AFAP1L2: variants seen among roughly 807,000 people sequenced by gnomAD.
AFAP1L2 encodes actin filament-associated protein 1-like 2.
AFAP1L2 carries 46 observed loss-of-function variants against 99.3 expected under a neutral mutation model. That is an observed-to-expected ratio of 0.46 (90% CI 0.37 to 0.59). The LOEUF is 0.59. AFAP1L2 is among the 20% of genes least tolerant of loss of function. The pLI is 0.00. For missense variants in AFAP1L2, 959 were observed against 1,034.9 expected, an observed-to-expected ratio of 0.93 and a Z score of 1.01; for synonymous variants, 397 against 419.1, an observed-to-expected ratio of 0.95 and a Z score of 0.64.
chr10:114,338,695 A>T (rs766818488), intron 2 of AFAP1L2, among the ~76,000 whole-genome samples: 4 of 152,236 alleles, frequency 2.6e-5, no homozygotes, highest in Non-Finnish European at 5.9e-5. Context: ...ATCCATTTAT[A>T]CAGAGCTCCA....
At chr10:114,344,149 G>A (rs184283537) in intron 1 of AFAP1L2, among the ~76,000 whole-genome samples, 293 of 152,322 alleles carry the variant, frequency 1.9e-3, no homozygotes, top group Non-Finnish European at 3.1e-3. Flanking sequence ...GCCCACAGAA[G>A]CATTTAAAAG....
chr10:114,380,958 T>C (rs1354774946), intron 1 of AFAP1L2, among the ~76,000 whole-genome samples: 1 of 152,210 alleles, frequency 6.6e-6, no homozygotes, highest in Non-Finnish European at 1.5e-5. Context: ...AAACATAGAT[T>C]ACCACATGAC....
At chr10:114,337,179 G>A (rs2048109852) in intron 2 of AFAP1L2, among the ~76,000 whole-genome samples, 1 of 152,250 alleles carries the variant, frequency 6.6e-6, no homozygotes, top group Non-Finnish European at 1.5e-5. Context: ...AGCAGGGGGA[G>A]ATAAGGTTAG....
intron 11 of AFAP1L2, among the ~76,000 whole-genome samples, 178 bp from the exon 12 acceptor site, chr10:114,302,662 A>C (rs902807753): frequency 6.6e-6 from 1 of 152,022 alleles, no homozygotes; most frequent in Non-Finnish European, 1.5e-5. Flanking sequence ...GTGGCCCCAG[A>C]TAATATTTCC....
At chr10:114,346,745 G>A (rs926785760) in intron 1 of AFAP1L2, among the ~76,000 whole-genome samples, 38 of 152,280 alleles carry the variant, frequency 2.5e-4, no homozygotes, top group South Asian at 6.2e-4. Flanking sequence ...TTTCCATCCC[G>A]GCTCTGTTAA....
intron 1 of AFAP1L2, among the ~76,000 whole-genome samples, chr10:114,348,712 C>A (rs1039179072): frequency 6.6e-6 from 1 of 152,286 alleles, no homozygotes; most frequent in South Asian, 2.1e-4. Context: ...AGCAGTGATT[C>A]TCAGCCCGGG....
rs375428542 is a variant in AFAP1L2, at chr10:114,300,336, A to G, written c.1815T>C (p.Asp605=). ...TGACGGTGGTGATTCTCAGGGAAGGATCCTCTGGCTCCAAACTCTCCAGCT... is the reference window on the plus strand; with the variant it reads ...TGACGGTGGTGATTCTCAGGGAAGGGTCCTCTGGCTCCAAACTCTCCAGCT... ...EQQLESLEPE[D]PSLRITTVKI... The change falls in exon 15 of 19, where the codon GAT becomes GAC. Residue 605 remains aspartate (D), a synonymous_variant. Transcript: ENST00000304129. 4.0e-5 allele frequency: 64 copies of G among 1,614,106 alleles called. No homozygotes were observed. The South Asian group carries it at 6.6e-4, about 17-fold the overall frequency.
chr10:114,375,809 A>G (rs2054720384), intron 1 of AFAP1L2, among the ~76,000 whole-genome samples: 1 of 152,146 alleles, frequency 6.6e-6, no homozygotes, highest in Non-Finnish European at 1.5e-5. Flanking sequence ...CCTTGCCTCT[A>G]CTAAAAATTT....
At chr10:114,331,185 G>A (rs188395321) in intron 4 of AFAP1L2, among the ~76,000 whole-genome samples, 1 of 152,242 alleles carries the variant, frequency 6.6e-6, no homozygotes, top group Admixed American at 6.5e-5. Flanking sequence ...AGAACTACTG[G>A]TAAGGTTCAA....
chr10:114,367,880 T>C (rs529537770), intron 1 of AFAP1L2, among the ~76,000 whole-genome samples: 73 of 152,338 alleles, frequency 4.8e-4, no homozygotes, highest in South Asian at 1.4e-3. Flanking sequence ...TTCTTCCCAC[T>C]TTTACAGTCT....
intron 2 of AFAP1L2, among the ~76,000 whole-genome samples, chr10:114,333,849 C>T (rs1287264127): frequency 6.6e-6 from 1 of 152,124 alleles, no homozygotes; most frequent in Admixed American, 6.5e-5. Context: ...ATCCTAAGTT[C>T]AAGATCTGCC....
At chr10:114,367,088 A>T (rs1191962840) in intron 1 of AFAP1L2, among the ~76,000 whole-genome samples, 1 of 152,228 alleles carries the variant, frequency 6.6e-6, no homozygotes. Context: ...GCTGCACCAC[A>T]CCAATGAACA....
intron 1 of AFAP1L2, among the ~76,000 whole-genome samples, chr10:114,388,991 GA>G (rs1475242308): frequency 3.9e-5 from 6 of 152,188 alleles, no homozygotes; most frequent in African/African-American, 1.2e-4. Flanking sequence ...AGAATGCTGG[GA>G]AAACAGTGAC....
rs566113256 is a variant in AFAP1L2 at position 114,396,481 on chromosome 10, G to A, written c.16+7959C>T. Among the ~76,000 whole-genome samples the A allele has an allele frequency of 2.6e-5, 4 of 152,228 alleles. No individual in the cohort carries two copies. The South Asian group carries it at 6.2e-4, about 24-fold the overall frequency. On this transcript the variant is annotated intron_variant, in intron 1 of 18. Transcript: ENST00000304129. ...GCTTCTCCTTGTCTAGAAATAAGAG[G>A]ACTGATTCTTTACATCAAATGCGAC...
At chr10:114,358,720 G>A (rs1426753462) in intron 1 of AFAP1L2, among the ~76,000 whole-genome samples, 1 of 152,126 alleles carries the variant, frequency 6.6e-6, no homozygotes, top group Non-Finnish European at 1.5e-5. Flanking sequence ...TTCGAGACCA[G>A]CCTGGTCAAC....
At chr10:114,326,660 G>A (rs550036981) in intron 4 of AFAP1L2, among the ~76,000 whole-genome samples, 2 of 152,266 alleles carry the variant, frequency 1.3e-5, no homozygotes, top group South Asian at 4.1e-4. Flanking sequence ...TGCAGGGCAG[G>A]AGTGGAGTCC....
chr10:114,343,136 C>G (rs139483930), intron 1 of AFAP1L2, among the ~76,000 whole-genome samples: 14 of 152,210 alleles, frequency 9.2e-5, no homozygotes, highest in Non-Finnish European at 1.8e-4. Flanking sequence ...AATACTGGAA[C>G]AGATGGGATT....
At chr10:114,385,782 A>T (rs2056420651) in intron 1 of AFAP1L2, among the ~76,000 whole-genome samples, 1 of 152,188 alleles carries the variant, frequency 6.6e-6, no homozygotes, top group African/African-American at 2.4e-5. Flanking sequence ...ATTCCAGGGG[A>T]CATCTCCCTG....
intron 10 of AFAP1L2, among the ~76,000 whole-genome samples, chr10:114,305,911 G>C (rs1284421900): frequency 2.3e-5 from 3 of 127,938 alleles, no homozygotes; most frequent in Non-Finnish European, 4.9e-5. Flanking sequence ...TGCAGGAGGG[G>C]ACACAGGTGC....
Sources: gnomAD v4.1 joint callset for allele counts (sites outside exome capture counted in the v4.1 genomes callset) on GRCh38, gnomAD v4.1.1 for gene constraint, MANE v1.5 for transcripts, NCBI Gene and HGNC (gene_info 2026-07-23, HGNC 2026-07-21) for gene names.